TJP1: variants seen among roughly 807,000 people sequenced by gnomAD.
The protein encoded by TJP1 is tight junction protein ZO-1.
TJP1 carries 43 observed loss-of-function variants against 194.2 expected under a neutral mutation model. That is an observed-to-expected ratio of 0.22 (90% CI 0.17 to 0.29). The LOEUF is 0.29. Among genes scored for constraint, TJP1 ranks in the 10% least tolerant of loss-of-function variants. The pLI, the probability that TJP1 is intolerant of heterozygous loss-of-function variation, is 1.00. For missense variants in TJP1, 1,971 were observed against 2,185.7 expected, an observed-to-expected ratio of 0.90 and a Z score of 1.96; for synonymous variants, 801 against 779.0, an observed-to-expected ratio of 1.03 and a Z score of -0.47.
intron 8 of TJP1, among the ~76,000 whole-genome samples, chr15:29,747,410 C>T (rs2044869438): frequency 6.6e-6 from 1 of 152,144 alleles, no homozygotes; most frequent in African/African-American, 2.4e-5. Flanking sequence ...CCAAATTGTG[C>T]TGTGCTCCTC....
At chr15:29,932,643 G>A (rs558363963) in intron 2 of TJP1, among the ~76,000 whole-genome samples, 17 of 152,164 alleles carry the variant, frequency 1.1e-4, no homozygotes, top group Non-Finnish European at 1.9e-4. Flanking sequence ...AATTATGAGC[G>A]AGAAGCAGAA....
At chr15:29,720,088 G>A in intron 19 of TJP1, 72 bp from the exon 20 acceptor site, 2 of 1,507,690 alleles carry the variant, frequency 1.3e-6, no homozygotes, top group Admixed American at 2.2e-5. Context: ...AATTTATAGT[G>A]ATTGGTAGAC....
At chr15:29,772,304 A>G in intron 3 of TJP1, 138 bp from the exon 4 acceptor site, 1 of 554,082 alleles carries the variant, frequency 1.8e-6, no homozygotes, top group Non-Finnish European at 3.1e-6. Context: ...GATCAATGAT[A>G]AAATAATGTC....
In TJP1 at chr15:29,895,760, A is replaced by G. The variant is rs186862434; in HGVS notation, c.306+60472T>C. Among the ~76,000 whole-genome samples the G allele has an allele frequency of 2.2e-3, 340 of 152,338 alleles. 2 individuals carry two copies. The highest frequency in any genetic ancestry group is 7.8e-3 in the African/African-American group (325 of 41,588). ...ACCTCCACATTTCTAGGCATTTGTT[A>G]TAACAACAACCACACTCCCAGTACC... On this transcript the variant is annotated intron_variant, in intron 2 of 28. Transcript: ENST00000356107.
chr15:29,878,113 G>A (rs1227388459), intron 2 of TJP1, among the ~76,000 whole-genome samples: 1 of 151,370 alleles, frequency 6.6e-6, no homozygotes, highest in East Asian at 2.0e-4. Context: ...GCAGTGGTGC[G>A]ATCTCAGCTC....
chr15:29,817,402 A>G (rs2050001291), intron 1 of TJP1, among the ~76,000 whole-genome samples: 1 of 152,214 alleles, frequency 6.6e-6, no homozygotes, highest in Non-Finnish European at 1.5e-5. Flanking sequence ...AATTAGTTCA[A>G]CCATTGTGGA....
intron 15 of TJP1, chr15:29,728,880 G>C (rs958751521): frequency 1.4e-4 from 22 of 152,150 alleles, no homozygotes; most frequent in Admixed American, 1.3e-4. Flanking sequence ...GGAGAATTAA[G>C]AAGAAAGATC....
At chr15:29,962,428 C>A (rs77941851) in intron 1 of TJP1, among the ~76,000 whole-genome samples, 2,483 of 152,280 alleles carry the variant, frequency 0.016, 66 homozygotes, top group African/African-American at 0.057. Context: ...CAAAAATAAT[C>A]AAGATGGCAA....
chr15:29,716,753 ATTC>A lies in TJP1; in HGVS notation c.4057_4059del (p.Glu1353del). 1 of 1,614,172 alleles carries A rather than the reference ATTC, an allele frequency of 6.2e-7. No individual in the cohort carries two copies. Among genetic ancestry groups the A allele is most frequent in the Non-Finnish European group, 8.5e-7 (1 of 1,180,020 alleles). ...AAGTATGACAGCTGTTTTCGATAAT[ATTC>A]TTCATCTTCTTCAGGGTCATAATGA... On this transcript the variant is annotated inframe_deletion, in exon 23 of 28. Transcript: ENST00000614355.
At chr15:29,904,192 C>T (rs563879564) in intron 2 of TJP1, among the ~76,000 whole-genome samples, 1 of 152,106 alleles carries the variant, frequency 6.6e-6, no homozygotes, top group Non-Finnish European at 1.5e-5. Flanking sequence ...GGATTTCCTT[C>T]TAAATGTGAT....
At chr15:29,925,757 AG>A (rs2054505301) in intron 2 of TJP1, among the ~76,000 whole-genome samples, 1 of 152,226 alleles carries the variant, frequency 6.6e-6, no homozygotes, top group Non-Finnish European at 1.5e-5. Context: ...GCTTTATGGA[AG>A]GATATTTCAC....
At chr15:29,836,058 T>C (rs2051018157) in intron 2 of TJP1, among the ~76,000 whole-genome samples, 1 of 152,162 alleles carries the variant, frequency 6.6e-6, no homozygotes, top group Non-Finnish European at 1.5e-5. Flanking sequence ...AAGAATACAT[T>C]TAACTTGTGG....
At chr15:29,893,980 A>G (rs1252760580) in intron 2 of TJP1, among the ~76,000 whole-genome samples, 3 of 152,184 alleles carry the variant, frequency 2.0e-5, no homozygotes, top group African/African-American at 4.8e-5. Context: ...TTGATCAGAT[A>G]CTAGGAAGCA....
intron 18 of TJP1, among the ~76,000 whole-genome samples, chr15:29,722,645 T>G (rs1450514305): frequency 6.6e-6 from 1 of 152,180 alleles, no homozygotes; most frequent in Non-Finnish European, 1.5e-5. Context: ...ACTGGGGCAC[T>G]GCCTAGTGGA....
chr15:29,959,115 G>C (rs990057937), intron 1 of TJP1, among the ~76,000 whole-genome samples: 1 of 151,040 alleles, frequency 6.6e-6, no homozygotes, highest in Non-Finnish European at 1.5e-5. Context: ...TCAGCCTCCC[G>C]GGCAGCTGGG....
chr15:29,944,889 T>C (rs2055220321), intron 2 of TJP1, among the ~76,000 whole-genome samples: 1 of 152,270 alleles, frequency 6.6e-6, no homozygotes, highest in Non-Finnish European at 1.5e-5. Flanking sequence ...TTTTACTGTA[T>C]TAAATATCAG....
chr15:29,932,823 T>G (rs2152272580), intron 2 of TJP1, among the ~76,000 whole-genome samples: 1 of 152,256 alleles, frequency 6.6e-6, no homozygotes, highest in Non-Finnish European at 1.5e-5. Flanking sequence ...AAAAATGAAT[T>G]ATTTAGGCTC....
chr15:29,834,244 A>T (rs2050949686), intron 2 of TJP1, among the ~76,000 whole-genome samples: 1 of 141,604 alleles, frequency 7.1e-6, no homozygotes. Context: ...TTTTTTTGAG[A>T]CAAAGTCTCA....
chr15:29,940,438 A>G (rs916466177), intron 2 of TJP1, among the ~76,000 whole-genome samples: 4 of 152,176 alleles, frequency 2.6e-5, no homozygotes, highest in Non-Finnish European at 5.9e-5. Flanking sequence ...TGAAATGTCC[A>G]TTTTTCATTC....
Sources: gnomAD v4.1 joint callset for allele counts (sites outside exome capture counted in the v4.1 genomes callset) on GRCh38, gnomAD v4.1.1 for gene constraint, MANE v1.5 for transcripts, NCBI Gene and HGNC (gene_info 2026-07-23, HGNC 2026-07-21) for gene names.